The following FBXW7 variants were observed in gnomAD, a reference collection of about 807,000 sequenced individuals.
FBXW7 encodes the protein F-box/WD repeat-containing protein 7.
Under a neutral mutation model 86.3 loss-of-function variants are expected in FBXW7, and 11 were observed. That is an observed-to-expected ratio of 0.13 (90% CI 0.08 to 0.21). The LOEUF is 0.21. Among genes scored for constraint, FBXW7 ranks in the 10% least tolerant of loss-of-function variants. The pLI is 1.00. For synonymous variants in FBXW7, 313 were observed against 297.9 expected (o/e 1.05, Z -0.52); for missense variants, 488 against 847.4 (o/e 0.58, Z 5.27).
intron 4 of FBXW7, among the ~76,000 whole-genome samples, chr4:152,394,728 C>T (rs1482925945): frequency 6.6e-6 from 1 of 152,024 alleles, no homozygotes; most frequent in Non-Finnish European, 1.5e-5. Flanking sequence ...TTGCTATATG[C>T]CAGTCATTGT....
chr4:152,433,348 C>G (rs1740081071), intron 2 of FBXW7, among the ~76,000 whole-genome samples: 1 of 152,178 alleles, frequency 6.6e-6, no homozygotes, highest in African/African-American at 2.4e-5. Context: ...GTTTCAGCTG[C>G]TTCCTATTTT....
rs1306083605 is a variant in FBXW7, at chr4:152,534,488, G to A, written c.-120+453C>T. On this transcript the variant is annotated intron_variant, in intron 2 of 13. Coordinates refer to ENST00000281708, the MANE Select transcript of FBXW7 (RefSeq NM_001349798.2). ...GAACCTCTCTCAAAACAGGTTTGTT[G>A]TTGTTTTTTAAAAAAGGAATTTTAC... Among the ~76,000 whole-genome samples, 5 of 152,258 alleles carry A rather than the reference G, an allele frequency of 3.3e-5. No individual in the cohort carries two copies. In the East Asian group the frequency reaches 7.7e-4, roughly 23 times the overall value.
In FBXW7 at chr4:152,404,755, C is replaced by T. The variant is rs143084373; in HGVS notation, c.501+6548G>A. Among the ~76,000 whole-genome samples the T allele has an allele frequency of 1.5e-3, 233 of 152,148 alleles. 2 individuals carry two copies. Among genetic ancestry groups the T allele is most frequent in the Non-Finnish European group, 2.6e-3 (176 of 67,988 alleles). On this transcript the variant is annotated intron_variant, in intron 4 of 13. Transcript: ENST00000281708. The stretch of plus-strand genomic sequence containing the variant: ...TGAGTCTTAAACTCAATTTTAATGA[C>T]GTGCCCATTTACAATTTCTAGTCTA...
intron 2 of FBXW7, among the ~76,000 whole-genome samples, chr4:152,502,552 T>A (rs1747054378): frequency 6.6e-6 from 1 of 151,820 alleles, no homozygotes; most frequent in Non-Finnish European, 1.5e-5. Flanking sequence ...ATACTTTTTA[T>A]TTTTTTTAAT....
At chr4:152,409,933 A>G in intron 4 of FBXW7, among the ~76,000 whole-genome samples, 1 of 152,200 alleles carries the variant, frequency 6.6e-6, no homozygotes, top group East Asian at 1.9e-4. Context: ...GTTTTTAAAA[A>G]GGTAATCATC....
At chr4:152,515,208 A>G (rs1748364959) in intron 2 of FBXW7, among the ~76,000 whole-genome samples, 1 of 152,216 alleles carries the variant, frequency 6.6e-6, no homozygotes, top group African/African-American at 2.4e-5. Flanking sequence ...CAAAGAAGAA[A>G]ATATAAAAAT....
chr4:152,364,196 G>C (rs987041243), intron 4 of FBXW7, among the ~76,000 whole-genome samples: 1 of 152,124 alleles, frequency 6.6e-6, no homozygotes, highest in African/African-American at 2.4e-5. Context: ...TTATATTGAG[G>C]CCAGGCAGTC....
intron 4 of FBXW7, among the ~76,000 whole-genome samples, chr4:152,368,771 T>C (rs185850929): frequency 1.7e-4 from 26 of 152,246 alleles, no homozygotes; most frequent in Admixed American, 4.6e-4. Flanking sequence ...AATTCTTATA[T>C]AGCGATTTTA....
chr4:152,330,708 T>C (rs750530821), intron 9 of FBXW7, 24 bp downstream of exon 9: 1 of 1,605,976 alleles, frequency 6.2e-7, no homozygotes, highest in East Asian at 2.2e-5. Flanking sequence ...ACGGTTTCTG[T>C]TACATTGTGC....
At chr4:152,444,705 A>G (rs754263822) in intron 2 of FBXW7, among the ~76,000 whole-genome samples, 9 of 152,218 alleles carry the variant, frequency 5.9e-5, no homozygotes, top group Non-Finnish European at 1.2e-4. Context: ...ATAACCAAGA[A>G]TCATGTGAGA....
chr4:152,340,214 T>C (rs1019992323), intron 6 of FBXW7, among the ~76,000 whole-genome samples: 4 of 152,134 alleles, frequency 2.6e-5, no homozygotes, highest in Non-Finnish European at 4.4e-5. Flanking sequence ...CCAGAGACAA[T>C]TTAAAACGTC....
chr4:152,500,753 C>T (rs1235433251), intron 2 of FBXW7, among the ~76,000 whole-genome samples: 3 of 152,062 alleles, frequency 2.0e-5, no homozygotes. Context: ...TACTATGTGT[C>T]CGCAATTCCC....
intron 2 of FBXW7, among the ~76,000 whole-genome samples, chr4:152,453,224 T>C (rs569528868): frequency 1.3e-5 from 2 of 152,274 alleles, no homozygotes; most frequent in South Asian, 2.1e-4. Context: ...GCTGAGAATA[T>C]GTTAAATGCT....
chr4:152,481,111 C>T (rs1191099330), intron 2 of FBXW7, among the ~76,000 whole-genome samples: 1 of 152,178 alleles, frequency 6.6e-6, no homozygotes, highest in East Asian at 1.9e-4. Context: ...GATAGGCTGA[C>T]TCAGCATGTT....
chr4:152,387,941 C>T (rs1735681238), intron 4 of FBXW7, among the ~76,000 whole-genome samples: 1 of 152,054 alleles, frequency 6.6e-6, no homozygotes, highest in Non-Finnish European at 1.5e-5. Flanking sequence ...AACTCCTGAC[C>T]TTGTGATCCG....
At chr4:152,483,030 T>C (rs1423746785) in intron 2 of FBXW7, among the ~76,000 whole-genome samples, 9 of 152,178 alleles carry the variant, frequency 5.9e-5, no homozygotes, top group Non-Finnish European at 1.2e-4. Flanking sequence ...CTTGCTAATA[T>C]TCTAAAATAC....
chr4:152,333,585 T>C (rs547518548), intron 7 of FBXW7, among the ~76,000 whole-genome samples: 145 of 152,230 alleles, frequency 9.5e-4, no homozygotes, highest in African/African-American at 3.4e-3. Context: ...ACAATTTAAA[T>C]AGAGCAATTA....
intron 8 of FBXW7, 105 bp from the exon 9 acceptor site, chr4:152,330,973 A>C (rs761668093): frequency 2.5e-4 from 271 of 1,104,508 alleles, no homozygotes; most frequent in Non-Finnish European, 3.0e-4. Flanking sequence ...TCTCTGCTCA[A>C]AACCACTGAA....
intron 2 of FBXW7, among the ~76,000 whole-genome samples, chr4:152,414,875 A>T (rs778574898): frequency 6.6e-6 from 1 of 152,118 alleles, no homozygotes; most frequent in Non-Finnish European, 1.5e-5. Context: ...ACTTAGAGAA[A>T]GCACAGCTAC....
Sources: allele counts gnomAD v4.1 joint callset (sites outside exome capture counted in the v4.1 genomes callset), GRCh38; gene constraint gnomAD v4.1.1; transcripts MANE v1.5; gene names NCBI Gene and HGNC (gene_info 2026-07-23, HGNC 2026-07-21).